The following PPP1R9A variants were observed in gnomAD, a reference collection of about 807,000 sequenced individuals.
PPP1R9A encodes neurabin-1.
Under a neutral mutation model 141.9 loss-of-function variants are expected in PPP1R9A, and 59 were observed. That is an observed-to-expected ratio of 0.42 (90% CI 0.34 to 0.52). The LOEUF (loss-of-function observed/expected upper bound fraction) is 0.52, where lower values mean the gene tolerates loss of function less well. PPP1R9A is among the 20% of genes least tolerant of loss of function. The pLI is 0.10. For synonymous variants in PPP1R9A, 500 were observed against 569.7 expected (o/e 0.88, Z 1.74); for missense variants, 1,444 against 1,611.9 (o/e 0.90, Z 1.78).
chr7:94,909,645 T>A (rs963736476), intron 1 of PPP1R9A, among the ~76,000 whole-genome samples: 4 of 151,872 alleles, frequency 2.6e-5, no homozygotes, highest in South Asian at 2.1e-4. Context: ...TATTTGTGAG[T>A]GTGTGTATGT....
intron 2 of PPP1R9A, among the ~76,000 whole-genome samples, chr7:94,950,330 T>C (rs1169933173): frequency 2.0e-5 from 3 of 152,138 alleles, no homozygotes; most frequent in Non-Finnish European, 4.4e-5. Context: ...TTCTGGGGTC[T>C]CTTTTCTGTC....
At chr7:95,111,567 A>C (rs1409707688) in intron 3 of PPP1R9A, among the ~76,000 whole-genome samples, 176 bp downstream of exon 3, 1 of 152,134 alleles carries the variant, frequency 6.6e-6, no homozygotes, top group African/African-American at 2.4e-5. Context: ...TGGTGGATTG[A>C]AAGTTTTACT....
intron 4 of PPP1R9A, among the ~76,000 whole-genome samples, chr7:95,144,655 A>G (rs1827288791): frequency 6.6e-6 from 1 of 152,182 alleles, no homozygotes; most frequent in Non-Finnish European, 1.5e-5. Flanking sequence ...TGAAAAATTG[A>G]AAACATTACC....
In PPP1R9A at chr7:94,970,354, C is replaced by T. The variant is rs111469856; in HGVS notation, c.1395+58846C>T. 9.8e-4 allele frequency among the ~76,000 whole-genome samples: 149 copies of T among 152,264 alleles called. 2 individuals carry two copies. The highest frequency in any genetic ancestry group is 3.3e-3 in the African/African-American group (139 of 41,558). ...GTATAGTATCTGGGCTGGAGTGAAC[C>T]GTTCCTCACTCCACAGTCCCTCACG... On this transcript the variant is annotated intron_variant, in intron 2 of 19. Transcript: ENST00000433360.
At chr7:95,200,268 T>G (rs1312889654) in intron 6 of PPP1R9A, among the ~76,000 whole-genome samples, 1 of 148,200 alleles carries the variant, frequency 6.7e-6, no homozygotes, top group East Asian at 1.9e-4. Flanking sequence ...AAAATTTTGC[T>G]CTTTTTTTTT....
chr7:95,226,461 C>T (rs1039658983), intron 8 of PPP1R9A, among the ~76,000 whole-genome samples: 1 of 152,102 alleles, frequency 6.6e-6, no homozygotes, highest in African/African-American at 2.4e-5. Context: ...CCTAAAAAGT[C>T]TCTTTTTGTC....
intron 3 of PPP1R9A, among the ~76,000 whole-genome samples, chr7:95,119,148 A>G (rs531156901): frequency 2.6e-5 from 4 of 152,208 alleles, no homozygotes; most frequent in African/African-American, 9.6e-5. Context: ...TTATGCTGCT[A>G]GTAAAGCATG....
At chr7:95,080,634 C>G (rs1338212198) in intron 2 of PPP1R9A, among the ~76,000 whole-genome samples, 1 of 152,202 alleles carries the variant, frequency 6.6e-6, no homozygotes, top group Non-Finnish European at 1.5e-5. Flanking sequence ...ATCGCCAAGT[C>G]AATCCTAAGC....
At chr7:95,059,816 A>AT (rs1414809708) in intron 2 of PPP1R9A, among the ~76,000 whole-genome samples, 10 of 151,938 alleles carry the variant, frequency 6.6e-5, no homozygotes, top group Admixed American at 6.6e-4. Context: ...GTACTGTGTC[A>AT]TTTTGGGACT....
At chr7:95,062,694 G>A (rs561176277) in intron 2 of PPP1R9A, among the ~76,000 whole-genome samples, 11 of 151,880 alleles carry the variant, frequency 7.2e-5, no homozygotes, top group Middle Eastern at 3.4e-3. Context: ...GGCCAAGGGG[G>A]ATTTTTTTTT....
At chr7:95,164,417 C>T (rs1002130395) in intron 5 of PPP1R9A, among the ~76,000 whole-genome samples, 3 of 151,456 alleles carry the variant, frequency 2.0e-5, no homozygotes, top group Non-Finnish European at 2.9e-5. Context: ...ATTTTTTTCT[C>T]TTATAATTGG....
chr7:95,097,968 C>T (rs1283794450), intron 2 of PPP1R9A, among the ~76,000 whole-genome samples: 5 of 152,198 alleles, frequency 3.3e-5, no homozygotes, highest in Admixed American at 3.3e-4. Context: ...GGCTGGAAGC[C>T]TCAAGCATAA....
intron 3 of PPP1R9A, among the ~76,000 whole-genome samples, chr7:95,119,320 T>G (rs1254682802): frequency 1.3e-5 from 2 of 152,156 alleles, no homozygotes; most frequent in Non-Finnish European, 2.9e-5. Flanking sequence ...CACAGTATTG[T>G]TCATAGGACC....
At position 95,250,268 on chromosome 7, in the gene PPP1R9A, T is replaced by TAATAACTAA. The variant is rs1289660322; in HGVS notation, c.2396+15_2396+23dup. On this transcript the variant is annotated intron_variant, in intron 10 of 19. Coordinates refer to ENST00000433360, the MANE Select transcript of PPP1R9A (RefSeq NM_001166160.2). ...ATTTTCAACAAAAGTAAGCCGCTTC[T>TAATAACTAA]AATAACTAAAGAATAGTTATGTTTG... The TAATAACTAA allele has an allele frequency of 6.3e-7, 1 of 1,585,672 alleles. No homozygotes were observed. Among genetic ancestry groups the TAATAACTAA allele is most frequent in the African/African-American group, 1.4e-5 (1 of 73,622 alleles).
chr7:94,966,520 A>C (rs1798237092), intron 2 of PPP1R9A, among the ~76,000 whole-genome samples: 1 of 152,190 alleles, frequency 6.6e-6, no homozygotes, highest in Non-Finnish European at 1.5e-5. Flanking sequence ...AATTTTTAGC[A>C]TGAAGGGGTG....
chr7:95,083,726 C>T (rs1292631353), intron 2 of PPP1R9A, among the ~76,000 whole-genome samples: 1 of 151,926 alleles, frequency 6.6e-6, no homozygotes, highest in Non-Finnish European at 1.5e-5. Context: ...CAACCACCTC[C>T]ACAATAAAAC....
At chr7:95,134,478 C>A (rs1411726159) in intron 4 of PPP1R9A, among the ~76,000 whole-genome samples, 1 of 152,136 alleles carries the variant, frequency 6.6e-6, no homozygotes, top group Non-Finnish European at 1.5e-5. Flanking sequence ...CTCTTGTTGC[C>A]CAGTCTAGAG....
intron 5 of PPP1R9A, among the ~76,000 whole-genome samples, chr7:95,195,975 A>G (rs1178320129): frequency 6.6e-6 from 1 of 152,168 alleles, no homozygotes; most frequent in African/African-American, 2.4e-5. Context: ...GCTTGAGCCC[A>G]GGAGTTCTAG....
chr7:95,040,558 C>A (rs1176833487), intron 2 of PPP1R9A, among the ~76,000 whole-genome samples: 1 of 152,044 alleles, frequency 6.6e-6, no homozygotes, highest in African/African-American at 2.4e-5. Context: ...GGAGTTGACT[C>A]AGAACTTGAC....
Sources: gnomAD v4.1 joint callset for allele counts (sites outside exome capture counted in the v4.1 genomes callset) on GRCh38, gnomAD v4.1.1 for gene constraint, MANE v1.5 for transcripts, NCBI Gene and HGNC (gene_info 2026-07-23, HGNC 2026-07-21) for gene names.